Variants in DCAF8 observed in about 807,000 individuals in gnomAD.
DCAF8 encodes the protein DDB1- and CUL4-associated factor 8.
In DCAF8, 20 loss-of-function variants were observed where a neutral mutation model predicts 68.0. The ratio of observed to expected loss-of-function variants is 0.29; its 90% CI spans 0.21 to 0.43. DCAF8 has a LOEUF of 0.43. Ranked by LOEUF, DCAF8 falls within the 20% of genes least tolerant of loss-of-function variation. The pLI is 1.00. For missense variants in DCAF8, 460 were observed against 771.0 expected, an observed-to-expected ratio of 0.60 and a Z score of 4.78; for synonymous variants, 230 against 276.9, an observed-to-expected ratio of 0.83 and a Z score of 1.68.
intron 4 of DCAF8, chr1:160,239,180 G>A: frequency 1.9e-6 from 2 of 1,069,486 alleles, no homozygotes; most frequent in Non-Finnish European, 2.3e-6. Context: ...CAGTAGATGG[G>A]GCCAAGGAGT....
At chr1:160,218,265 CTTT>C in intron 13 of DCAF8, 56 bp downstream of exon 13, 1 of 1,381,124 alleles carries the variant, frequency 7.2e-7, no homozygotes, top group Non-Finnish European at 1.0e-6. Context: ...TACTCTGGAA[CTTT>C]TTAGCCCTCT....
chr1:160,253,837 CA>C (rs1424180683), intron 2 of DCAF8, among the ~76,000 whole-genome samples: 1 of 150,664 alleles, frequency 6.6e-6, no homozygotes, highest in Non-Finnish European at 1.5e-5. Flanking sequence ...GAAAAACAAA[CA>C]AAAAAACCAA....
rs372404233 is a variant in DCAF8, at chr1:160,229,123, CG to C, written c.1070+2173del. ...ACCAGCCTGGCCAACATGGCAAAAC[CG>C]TATCTCTACTAAAAATACAAAAATA... On this transcript the variant is annotated intron_variant, in intron 7 of 13. Transcript: ENST00000368074. 2.8e-4 allele frequency among the ~76,000 whole-genome samples: 42 copies of C among 152,156 alleles called. No individual in the cohort carries two copies. The East Asian group carries it at 7.5e-3, about 27-fold the overall frequency.
rs376143884 is a variant in DCAF8, at chr1:160,238,595, G to T, written c.864+12C>A. The stretch of plus-strand genomic sequence containing the variant: ...TTGGATTGCACAAATTTTGGAGCAA[G>T]GTCTTACTTACCTTGTGGGACGCTC... On this transcript the variant is annotated intron_variant, in intron 5 of 13. Coordinates refer to ENST00000368074, the MANE Select transcript of DCAF8 (RefSeq NM_015726.4). 1 of 1,586,004 alleles carries T rather than the reference G, an allele frequency of 6.3e-7. No individual in the cohort carries two copies. Among genetic ancestry groups the T allele is most frequent in the Non-Finnish European group, 8.6e-7 (1 of 1,166,020 alleles).
At position 160,217,727 on chromosome 1, in the gene DCAF8, TGTTAGTAACTTCCCTGG is replaced by T. The variant is rs1448824765; in HGVS notation, c.1678-36_1678-20del. The T allele has an allele frequency of 6.3e-7, 1 of 1,593,610 alleles. No individual in the cohort carries two copies. Among genetic ancestry groups the T allele is most frequent in the Non-Finnish European group, 8.6e-7 (1 of 1,161,578 alleles). ...GCCAGCGCTGTGGATGGGAAAGGCT[TGTTAGTAACTTCCCTGG>T]ATGGAACAAGGACAAGCCTGTTAGG... On this transcript the variant is annotated intron_variant, in intron 13 of 13. Transcript: ENST00000368074.
At chr1:160,228,414 CTG>C (rs1655552101) in intron 7 of DCAF8, among the ~76,000 whole-genome samples, 1 of 152,174 alleles carries the variant, frequency 6.6e-6, no homozygotes, top group Non-Finnish European at 1.5e-5. Flanking sequence ...GATTTACTGA[CTG>C]TGCTTCATCA....
At chr1:160,244,895 C>T (rs2101750361) in intron 2 of DCAF8, among the ~76,000 whole-genome samples, 1 of 152,236 alleles carries the variant, frequency 6.6e-6, no homozygotes, top group East Asian at 1.9e-4. Context: ...AGGCATGAGC[C>T]ACCACGCCCA....
At chr1:160,249,345 T>C (rs1571108407) in intron 2 of DCAF8, among the ~76,000 whole-genome samples, 1 of 152,222 alleles carries the variant, frequency 6.6e-6, no homozygotes, top group East Asian at 1.9e-4. Flanking sequence ...AAATTTACTT[T>C]ATTAAGTACT....
chr1:160,246,322 G>C (rs1245046301), intron 2 of DCAF8, among the ~76,000 whole-genome samples: 2 of 152,086 alleles, frequency 1.3e-5, no homozygotes, highest in Non-Finnish European at 2.9e-5. Flanking sequence ...TCAAAACCAA[G>C]CATCAACTCC....
chr1:160,221,264 T>G (rs2101715320), intron 11 of DCAF8: 1 of 152,382 alleles, frequency 6.6e-6, no homozygotes, highest in East Asian at 1.9e-4. Flanking sequence ...CACTGGCCCC[T>G]TCTGACTTCC....
At position 160,217,241 on chromosome 1, in the gene DCAF8, C is replaced by T. The variant is rs1263694162; in HGVS notation, c.*351G>A. ...GCCAGTTGTTCCCCCCACCCCTCCC[C>T]CAGCCCAAGAAACAAGGGAGATTAA... is the stretch of plus-strand genomic sequence containing the variant. On this transcript the variant is annotated 3_prime_UTR_variant, in exon 14 of 14. Transcript: ENST00000368074. 1 of 182,832 alleles carries T rather than the reference C, an allele frequency of 5.5e-6. No homozygotes were observed. Among genetic ancestry groups the T allele is most frequent in the African/African-American group, 2.3e-5 (1 of 42,610 alleles). 11.3% of individuals were successfully genotyped at this position (182,832 alleles called of 1,614,324 possible).
chr1:160,254,644 T>G (rs926696136), intron 2 of DCAF8, among the ~76,000 whole-genome samples: 1 of 151,998 alleles, frequency 6.6e-6, no homozygotes, highest in Non-Finnish European at 1.5e-5. Context: ...ATACAAAAAT[T>G]AGCTGGGCAT....
chr1:160,237,959 G>A (rs1388576226), intron 5 of DCAF8, among the ~76,000 whole-genome samples: 2 of 152,242 alleles, frequency 1.3e-5, no homozygotes, highest in Non-Finnish European at 2.9e-5. Flanking sequence ...AGTGGGTTAG[G>A]AGTAGACTTA....
chr1:160,261,864 A>T (rs1480560374), intron 1 of DCAF8: 1 of 153,334 alleles, frequency 6.5e-6, no homozygotes, highest in East Asian at 1.9e-4. Flanking sequence ...TACAAAGGGT[A>T]CAAGACCACA....
chr1:160,225,542 G>T, intron 8 of DCAF8, 49 bp downstream of exon 8: 1 of 1,444,368 alleles, frequency 6.9e-7, no homozygotes, highest in Non-Finnish European at 9.7e-7. Flanking sequence ...GTGCAGCCTT[G>T]GGGTTGAGTC....
At chr1:160,252,476 C>T (rs1231692515) in intron 2 of DCAF8, among the ~76,000 whole-genome samples, 3 of 152,100 alleles carry the variant, frequency 2.0e-5, no homozygotes, top group African/African-American at 7.2e-5. Context: ...AGGTTAAAAA[C>T]CTGACATGGT....
At chr1:160,218,081 C>T (rs2101710973) in intron 13 of DCAF8, 1 of 541,662 alleles carries the variant, frequency 1.8e-6, no homozygotes, top group South Asian at 2.6e-5. Context: ...CCTCCTCCAC[C>T]CTCCAGCTTT....
At chr1:160,243,106 C>T (rs1406738517) in intron 3 of DCAF8, among the ~76,000 whole-genome samples, 1 of 152,136 alleles carries the variant, frequency 6.6e-6, no homozygotes, top group East Asian at 1.9e-4. Flanking sequence ...TCTGTGCTGC[C>T]CAACTATATC....
chr1:160,250,931 C>T (rs946242213), intron 2 of DCAF8, among the ~76,000 whole-genome samples: 20 of 152,072 alleles, frequency 1.3e-4, no homozygotes, highest in African/African-American at 4.8e-4. Context: ...AACTACCTTA[C>T]CTTGAGCCCG....
Sources: gnomAD v4.1 joint callset for allele counts (sites outside exome capture counted in the v4.1 genomes callset) on GRCh38, gnomAD v4.1.1 for gene constraint, MANE v1.5 for transcripts, NCBI Gene and HGNC (gene_info 2026-07-23, HGNC 2026-07-21) for gene names.